KCNIP4: variants seen among roughly 807,000 people sequenced by gnomAD.
KCNIP4 encodes Kv channel-interacting protein 4.
KCNIP4 carries 12 observed loss-of-function variants against 34.0 expected under a neutral mutation model. The ratio of observed to expected loss-of-function variants is 0.35; its 90% CI spans 0.23 to 0.57. The LOEUF is 0.57. Ranked by LOEUF, KCNIP4 falls within the 20% of genes least tolerant of loss-of-function variation. KCNIP4 has a pLI of 0.83. For missense variants in KCNIP4, 238 were observed against 311.7 expected (o/e 0.76, Z 1.78); for synonymous variants, 124 against 102.2 (o/e 1.21, Z -1.29).
At chr4:21,823,323 A>C (rs931348937) in intron 1 of KCNIP4, among the ~76,000 whole-genome samples, 77 of 152,170 alleles carry the variant, frequency 5.1e-4, no homozygotes, top group Middle Eastern at 3.4e-3. Context: ...ATTTATTTAC[A>C]TGAAAGAAAA....
chr4:20,960,473 A>G (rs1733740117), intron 1 of KCNIP4, among the ~76,000 whole-genome samples: 1 of 152,150 alleles, frequency 6.6e-6, no homozygotes, highest in African/African-American at 2.4e-5. Context: ...GCTCACGGAC[A>G]CTTGGCTCTT....
intron 1 of KCNIP4, among the ~76,000 whole-genome samples, chr4:21,048,220 G>T (rs1013139906): frequency 9.9e-5 from 15 of 152,090 alleles, no homozygotes; most frequent in African/African-American, 3.6e-4. Flanking sequence ...AAATTTTTTT[G>T]TGTGTGCTTT....
At chr4:21,151,368 A>G (rs1407980138) in intron 1 of KCNIP4, among the ~76,000 whole-genome samples, 2 of 150,266 alleles carry the variant, frequency 1.3e-5, no homozygotes, top group East Asian at 3.9e-4. Context: ...GCTGCCATTA[A>G]CTAAATACCA....
chr4:21,919,285 C>T (rs576086619), intron 1 of KCNIP4, among the ~76,000 whole-genome samples: 1 of 152,234 alleles, frequency 6.6e-6, no homozygotes, highest in East Asian at 1.9e-4. Flanking sequence ...GTTTTAACTA[C>T]ATTGAACAGC....
At chr4:21,275,326 G>A (rs1307030732) in intron 1 of KCNIP4, among the ~76,000 whole-genome samples, 1 of 152,138 alleles carries the variant, frequency 6.6e-6, no homozygotes, top group Non-Finnish European at 1.5e-5. Flanking sequence ...CTGGGCATCA[G>A]TGTTCAGAGT....
At chr4:21,865,579 T>G (rs1578087416) in intron 1 of KCNIP4, among the ~76,000 whole-genome samples, 1 of 152,134 alleles carries the variant, frequency 6.6e-6, no homozygotes, top group African/African-American at 2.4e-5. Flanking sequence ...GTTTCGCTCT[T>G]GTTGCCCAGG....
At chr4:21,583,676 G>T (rs140347402) in intron 1 of KCNIP4, among the ~76,000 whole-genome samples, 2 of 151,730 alleles carry the variant, frequency 1.3e-5, no homozygotes, top group Non-Finnish European at 2.9e-5. Flanking sequence ...TTGAAATACC[G>T]AACAAAGCCC....
rs552424209 is a variant in KCNIP4, at chr4:21,108,390, C to T, written c.62-225681G>A. ...TACCCTTTCTTCCAGTTGATCGCAT[C>T]GGCTCCTGAGGCTTCTGCATTCTTC... On this transcript the variant is annotated intron_variant, in intron 1 of 8. Transcript: ENST00000382152. 9.9e-5 allele frequency among the ~76,000 whole-genome samples: 15 copies of T among 151,316 alleles called. 1 individual carries two copies. The highest frequency in any genetic ancestry group is 4.2e-4 in the South Asian group (2 of 4,812).
At chr4:20,802,732 C>T (rs1437612232) in intron 3 of KCNIP4, among the ~76,000 whole-genome samples, 1 of 152,154 alleles carries the variant, frequency 6.6e-6, no homozygotes, top group Non-Finnish European at 1.5e-5. Context: ...AATTAAACAA[C>T]ATGCTTAAAC....
chr4:21,592,520 A>G (rs1742299094), intron 1 of KCNIP4, among the ~76,000 whole-genome samples: 1 of 152,124 alleles, frequency 6.6e-6, no homozygotes, highest in Admixed American at 6.6e-5. Context: ...GATCATCACT[A>G]TTATGCACAA....
At chr4:20,742,591 A>C (rs982976870) in intron 5 of KCNIP4, among the ~76,000 whole-genome samples, 1 of 152,170 alleles carries the variant, frequency 6.6e-6, no homozygotes, top group African/African-American at 2.4e-5. Context: ...ATTTATGGCA[A>C]ACCCACAGCC....
chr4:21,754,631 T>G (rs1424204911), intron 1 of KCNIP4, among the ~76,000 whole-genome samples: 1 of 152,160 alleles, frequency 6.6e-6, no homozygotes, highest in Non-Finnish European at 1.5e-5. Context: ...GGCCTCTTGA[T>G]CATTACTCTA....
chr4:20,784,323 G>A (rs1578611553), intron 3 of KCNIP4, among the ~76,000 whole-genome samples: 2 of 152,258 alleles, frequency 1.3e-5, no homozygotes, highest in South Asian at 2.1e-4. Flanking sequence ...CAAGAGGAGA[G>A]GCCACTTTTC....
At chr4:20,995,338 A>G (rs552458785) in intron 1 of KCNIP4, among the ~76,000 whole-genome samples, 2 of 152,328 alleles carry the variant, frequency 1.3e-5, no homozygotes, top group Admixed American at 1.3e-4. Flanking sequence ...CAGTGCTGTC[A>G]GGGGCAATGA....
chr4:21,071,753 A>G (rs10022386), intron 1 of KCNIP4, among the ~76,000 whole-genome samples: 3,537 of 152,064 alleles, frequency 0.023, 123 homozygotes, highest in African/African-American at 0.08. Flanking sequence ...TTAACTCGTC[A>G]TTTACATTGG....
At chr4:20,757,117 C>T (rs1218869469) in intron 4 of KCNIP4, among the ~76,000 whole-genome samples, 2 of 152,122 alleles carry the variant, frequency 1.3e-5, no homozygotes, top group African/African-American at 4.8e-5. Flanking sequence ...TGTAAAGAGT[C>T]ACCTGGTGTC....
chr4:21,431,098 T>A (rs115675055), intron 1 of KCNIP4, among the ~76,000 whole-genome samples: 2 of 151,896 alleles, frequency 1.3e-5, no homozygotes, highest in African/African-American at 4.8e-5. Flanking sequence ...AAACTTGCCA[T>A]GAGCATTTCT....
chr4:21,322,732 A>G (rs1714634967), intron 1 of KCNIP4, among the ~76,000 whole-genome samples: 1 of 151,648 alleles, frequency 6.6e-6, no homozygotes, highest in African/African-American at 2.4e-5. Context: ...ACACTATACC[A>G]CTCCTGTTTT....
chr4:21,854,363 A>G (rs1232963295), intron 1 of KCNIP4, among the ~76,000 whole-genome samples: 1 of 152,272 alleles, frequency 6.6e-6, no homozygotes, highest in Non-Finnish European at 1.5e-5. Flanking sequence ...ATATACAATT[A>G]TGTTGAATGT....
Sources: allele counts gnomAD v4.1 joint callset (sites outside exome capture counted in the v4.1 genomes callset), GRCh38; gene constraint gnomAD v4.1.1; transcripts MANE v1.5; gene names NCBI Gene and HGNC (gene_info 2026-07-23, HGNC 2026-07-21).